ARID3B: variants seen among roughly 807,000 people sequenced by gnomAD.
ARID3B encodes the protein AT-rich interaction domain 3B.
Under a neutral mutation model 51.9 loss-of-function variants are expected in ARID3B, and 10 were observed. The ratio of observed to expected loss-of-function variants is 0.19; its 90% CI spans 0.12 to 0.33. The LOEUF is 0.33. ARID3B is among the 10% of genes least tolerant of loss of function. ARID3B has a pLI of 1.00. For missense variants in ARID3B, 483 were observed against 716.3 expected, an observed-to-expected ratio of 0.67 and a Z score of 3.72; for synonymous variants, 205 against 279.5, an observed-to-expected ratio of 0.73 and a Z score of 2.66.
intron 2 of ARID3B, among the ~76,000 whole-genome samples, chr15:74,550,706 CAAA>C (rs990554943): frequency 1.5e-5 from 2 of 132,718 alleles, no homozygotes; most frequent in South Asian, 2.5e-4. Flanking sequence ...GTGTCCATCT[CAAA>C]AAAAAAAAAG....
At chr15:74,565,759 A>G (rs2061695928) in intron 2 of ARID3B, among the ~76,000 whole-genome samples, 1 of 151,598 alleles carries the variant, frequency 6.6e-6, no homozygotes, top group South Asian at 2.1e-4. Context: ...AATCCCAGTA[A>G]AAAGAAAAGG....
At chr15:74,584,999 A>C (rs1162205700) in intron 4 of ARID3B, among the ~76,000 whole-genome samples, 9 of 152,128 alleles carry the variant, frequency 5.9e-5, no homozygotes, top group Non-Finnish European at 1.3e-4. Flanking sequence ...GGAACTGGAG[A>C]CCAGTGGCAC....
At chr15:74,584,834 C>T (rs1014466451) in intron 4 of ARID3B, among the ~76,000 whole-genome samples, 2 of 152,214 alleles carry the variant, frequency 1.3e-5, no homozygotes, top group Non-Finnish European at 2.9e-5. Flanking sequence ...GCATTCCCAC[C>T]AACAAGGGTT....
intron 2 of ARID3B, among the ~76,000 whole-genome samples, chr15:74,565,916 C>T (rs1184169607): frequency 3.3e-5 from 5 of 152,094 alleles, no homozygotes; most frequent in Non-Finnish European, 7.4e-5. Flanking sequence ...GTGTTGTCAC[C>T]CCACCTCACT....
At chr15:74,552,137 C>G (rs1488299190) in intron 2 of ARID3B, among the ~76,000 whole-genome samples, 1 of 140,442 alleles carries the variant, frequency 7.1e-6, no homozygotes, top group South Asian at 2.4e-4. Context: ...TCTTGGCTCA[C>G]TGCAATCTCC....
chr15:74,586,227 G>A (rs574304982), intron 4 of ARID3B, among the ~76,000 whole-genome samples: 2 of 152,238 alleles, frequency 1.3e-5, no homozygotes, highest in African/African-American at 4.8e-5. Flanking sequence ...CGGTTTCTCT[G>A]TAGTGTGATG....
chr15:74,541,745 G>A (rs2061596229), intron 1 of ARID3B, among the ~76,000 whole-genome samples: 1 of 152,094 alleles, frequency 6.6e-6, no homozygotes. Flanking sequence ...AGGGGCCCGG[G>A]GCCAAAAGAA....
At chr15:74,582,759 A>C (rs1400061627) in intron 4 of ARID3B, among the ~76,000 whole-genome samples, 2 of 152,178 alleles carry the variant, frequency 1.3e-5, no homozygotes, top group Non-Finnish European at 2.9e-5. Context: ...GCTTGTGTTC[A>C]CTGAAAGATA....
chr15:74,578,701 A>G (rs1443529035), intron 4 of ARID3B, among the ~76,000 whole-genome samples: 5 of 152,176 alleles, frequency 3.3e-5, no homozygotes, highest in Admixed American at 6.5e-5. Flanking sequence ...AGCCTGGACA[A>G]CATAGTGAGA....
intron 4 of ARID3B, among the ~76,000 whole-genome samples, chr15:74,580,283 C>T (rs758863747): frequency 6.6e-6 from 1 of 152,206 alleles, no homozygotes; most frequent in Non-Finnish European, 1.5e-5. Flanking sequence ...TGGGTGGTTT[C>T]TGAAATACCA....
At chr15:74,555,419 T>G (rs2061653965) in intron 2 of ARID3B, among the ~76,000 whole-genome samples, 1 of 152,156 alleles carries the variant, frequency 6.6e-6, no homozygotes, top group Non-Finnish European at 1.5e-5. Flanking sequence ...AGCCTCGACC[T>G]GTTGGGCTCA....
At chr15:74,559,663 T>C (rs1485499880) in intron 2 of ARID3B, among the ~76,000 whole-genome samples, 1 of 152,138 alleles carries the variant, frequency 6.6e-6, no homozygotes, top group Non-Finnish European at 1.5e-5. Flanking sequence ...CCCTTCCAGA[T>C]AGAACAGGAG....
At chr15:74,563,542 G>C (rs941711704) in intron 2 of ARID3B, among the ~76,000 whole-genome samples, 2 of 152,156 alleles carry the variant, frequency 1.3e-5, no homozygotes, top group Non-Finnish European at 2.9e-5. Flanking sequence ...AACCTCTTAG[G>C]TCTGTTTCCT....
rs143295670 is a variant in ARID3B, at chr15:74,586,698, G to A, written c.698-3122G>A. ...AGCCTGGGCAACATAGTGAGACCTC[G>A]AGAAACATTTCTGGGTAGGTTAATT... is the stretch of plus-strand genomic sequence containing the variant. On this transcript the variant is annotated intron_variant, in intron 4 of 8. Coordinates refer to ENST00000346246, the MANE Select transcript of ARID3B (RefSeq NM_006465.4). Among the ~76,000 whole-genome samples the A allele has an allele frequency of 5.3e-5, 8 of 152,328 alleles. No homozygotes were observed. In the South Asian group the frequency reaches 6.2e-4, roughly 12 times the overall value.
intron 4 of ARID3B, among the ~76,000 whole-genome samples, chr15:74,587,966 G>A (rs767404146): frequency 3.8e-4 from 58 of 152,178 alleles, no homozygotes; most frequent in Non-Finnish European, 6.8e-4. Flanking sequence ...CCTAAGCCAG[G>A]TGCTGTGGCT....
At chr15:74,560,363 A>G (rs1347721627) in intron 2 of ARID3B, among the ~76,000 whole-genome samples, 3 of 152,172 alleles carry the variant, frequency 2.0e-5, no homozygotes, top group Non-Finnish European at 4.4e-5. Context: ...TGTATGAAAT[A>G]AAAGTCTGAC....
intron 4 of ARID3B, among the ~76,000 whole-genome samples, chr15:74,587,820 G>A (rs531536451): frequency 5.9e-5 from 9 of 152,270 alleles, no homozygotes; most frequent in South Asian, 2.1e-4. Context: ...GAGTATGCCC[G>A]TAATCCTCTG....
chr15:74,569,295 G>A (rs1158228318), intron 2 of ARID3B, among the ~76,000 whole-genome samples: 1 of 152,146 alleles, frequency 6.6e-6, no homozygotes, highest in Non-Finnish European at 1.5e-5. Context: ...TCCCACAGGG[G>A]AGCCCATCTC....
intron 4 of ARID3B, among the ~76,000 whole-genome samples, chr15:74,582,921 C>T (rs891077151): frequency 6.6e-6 from 1 of 151,736 alleles, no homozygotes; most frequent in South Asian, 2.1e-4. Flanking sequence ...TAGCCGGGTA[C>T]GGTGGCTCAC....
Sources: allele counts gnomAD v4.1 joint callset (sites outside exome capture counted in the v4.1 genomes callset), GRCh38; gene constraint gnomAD v4.1.1; transcripts MANE v1.5; gene names NCBI Gene and HGNC (gene_info 2026-07-23, HGNC 2026-07-21).